Variants in SLC2A9 observed in about 807,000 individuals in gnomAD.
The protein encoded by SLC2A9 is solute carrier family 2 member 9.
SLC2A9 carries 39 observed loss-of-function variants against 50.6 expected under a neutral mutation model. The ratio of observed to expected loss-of-function variants is 0.77; its 90% confidence interval spans 0.60 to 1.01. The LOEUF (loss-of-function observed/expected upper bound fraction) is 1.01. SLC2A9 is among the 50% of genes least tolerant of loss of function. The pLI, the probability that SLC2A9 is intolerant of heterozygous loss-of-function variation, is 0.00. For synonymous variants in SLC2A9, 324 were observed against 276.9 expected (o/e 1.17, Z -1.69); for missense variants, 686 against 677.6 (o/e 1.01, Z -0.14).
intron 5 of SLC2A9, among the ~76,000 whole-genome samples, chr4:9,973,639 C>G (rs1377179158): frequency 2.1e-5 from 3 of 142,452 alleles, no homozygotes; most frequent in African/African-American, 5.3e-5. Context: ...CATGTTCTCA[C>G]TCATAGGTGG....
At chr4:9,782,426 G>A (rs776907638) in intron 3 of SLC2A9, 2 of 1,614,016 alleles carry the variant, frequency 1.2e-6, no homozygotes, top group Non-Finnish European at 1.7e-6. Context: ...GAACCTGTGC[G>A]TCATCAGCGT....
intron 5 of SLC2A9, among the ~76,000 whole-genome samples, chr4:9,943,632 T>A (rs965329784): frequency 1.3e-5 from 2 of 152,158 alleles, no homozygotes; most frequent in African/African-American, 4.8e-5. Context: ...CTGTATACTT[T>A]AAAAGGATGA....
In SLC2A9 at chr4:9,865,810, G is replaced by A. The variant is rs1253408978; in HGVS notation, c.1291+21757C>T. Reference sequence around the variant, plus strand: ...GGGCAGGAGCTGGTTTTGTTAGACGGTCTTTGAAGATTTGCCACAATTGGA... The same window carrying A: ...GGGCAGGAGCTGGTTTTGTTAGACGATCTTTGAAGATTTGCCACAATTGGA... On this transcript the variant is annotated intron_variant, in intron 10 of 11. Transcript: ENST00000264784. Among the ~76,000 whole-genome samples the A allele has an allele frequency of 7.4e-5, 11 of 148,950 alleles. No individual in the cohort carries two copies. The East Asian group carries it at 2.1e-3, about 29-fold the overall frequency.
intron 10 of SLC2A9, among the ~76,000 whole-genome samples, chr4:9,852,786 A>G (rs73092479): frequency 0.068 from 10,338 of 152,278 alleles, 811 homozygotes; most frequent in East Asian, 0.25. Context: ...GACACTATAA[A>G]ACAACTACAC....
chr4:9,837,615 T>C (rs1727306460), intron 10 of SLC2A9, among the ~76,000 whole-genome samples: 1 of 152,242 alleles, frequency 6.6e-6, no homozygotes, highest in African/African-American at 2.4e-5. Context: ...CTTCAGGGCT[T>C]GAGGCCATGA....
intron 5 of SLC2A9, among the ~76,000 whole-genome samples, chr4:9,961,991 A>C (rs1239745211): frequency 6.6e-6 from 1 of 152,250 alleles, no homozygotes; most frequent in Non-Finnish European, 1.5e-5. Context: ...ATCATTAGAG[A>C]AATGCAAATC....
chr4:9,828,184 C>T (rs1725454839), intron 11 of SLC2A9, among the ~76,000 whole-genome samples: 1 of 152,158 alleles, frequency 6.6e-6, no homozygotes, highest in Non-Finnish European at 1.5e-5. Context: ...CTCTCTCTCT[C>T]CCACCCACAT....
At position 9,955,359 on chromosome 4, in the gene SLC2A9, A is replaced by G. The variant is rs544079670; in HGVS notation, c.682-13314T>C. 3.8e-5 allele frequency among the ~76,000 whole-genome samples: 4 copies of G among 104,096 alleles called. 2 individuals carry two copies. Among genetic ancestry groups the G allele is most frequent in the African/African-American group, 2.0e-4 (4 of 19,546 alleles). The allele number at this position is 104,096 out of a possible 152,430, so 68.3% of individuals were successfully genotyped here. ...TACAAAAAAAAATTAGCCGGGCGTG[A>G]TGGCGGGCGCCTGTAGTCCCAGCTA... On this transcript the variant is annotated intron_variant, in intron 5 of 11. Coordinates refer to ENST00000264784, the MANE Select transcript of SLC2A9 (RefSeq NM_020041.3).
chr4:9,776,539 A>G (rs1284144711), downstream of SLC2A9, among the ~76,000 whole-genome samples: 1 of 152,014 alleles, frequency 6.6e-6, no homozygotes, highest in East Asian at 1.9e-4. Context: ...GTGCTTTGAA[A>G]TGCTGCCTGG....
intron 11 of SLC2A9, among the ~76,000 whole-genome samples, chr4:9,833,728 T>C (rs114919407): frequency 0.011 from 1,731 of 152,240 alleles, 27 homozygotes; most frequent in Non-Finnish European, 0.016. Context: ...CAGGCGGACT[T>C]AGAACTGAGT....
At chr4:9,789,157 C>T (rs1282901176) in intron 3 of SLC2A9, among the ~76,000 whole-genome samples, 3 of 152,132 alleles carry the variant, frequency 2.0e-5, no homozygotes, top group Non-Finnish European at 4.4e-5. Flanking sequence ...AAACCATCAC[C>T]TCTCGTTCAA....
intron 3 of SLC2A9, among the ~76,000 whole-genome samples, chr4:9,816,641 A>T (rs1723633517): frequency 6.6e-6 from 1 of 152,188 alleles, no homozygotes; most frequent in Admixed American, 6.5e-5. Context: ...CAAAACATTG[A>T]GTTCTACATC....
At chr4:9,842,832 T>G (rs1212238102) in intron 10 of SLC2A9, among the ~76,000 whole-genome samples, 1 of 152,192 alleles carries the variant, frequency 6.6e-6, no homozygotes, top group Non-Finnish European at 1.5e-5. Context: ...TGTTTGAGTA[T>G]CCTATTCTGG....
chr4:9,981,761 G>A (rs1417523309), intron 4 of SLC2A9, among the ~76,000 whole-genome samples: 1 of 152,174 alleles, frequency 6.6e-6, no homozygotes, highest in Non-Finnish European at 1.5e-5. Context: ...GAACACTCCA[G>A]GAAGATGCCC....
intron 3 of SLC2A9, among the ~76,000 whole-genome samples, chr4:9,780,394 T>C (rs1303482987): frequency 6.6e-6 from 1 of 151,954 alleles, no homozygotes; most frequent in Non-Finnish European, 1.5e-5. Context: ...TTTAGGCACC[T>C]GGACAGATGG....
At chr4:9,822,665 T>C (rs1254958876), downstream of SLC2A9, among the ~76,000 whole-genome samples, 5 of 152,256 alleles carry the variant, frequency 3.3e-5, no homozygotes, top group Non-Finnish European at 7.3e-5. Flanking sequence ...TTTAAAAAAA[T>C]ACTGAGATAT....
chr4:9,782,118 C>T (rs1396850248), intron 3 of SLC2A9: 6 of 1,545,238 alleles, frequency 3.9e-6, no homozygotes, highest in Non-Finnish European at 1.7e-6. Context: ...GTGGGGGGCT[C>T]GGCGGGGGCA....
intron 7 of SLC2A9, among the ~76,000 whole-genome samples, chr4:9,917,090 T>TG (rs1279778550): frequency 6.6e-6 from 1 of 152,150 alleles, no homozygotes; most frequent in African/African-American, 2.4e-5. Context: ...TCTTTCACAC[T>TG]GGCAACAGAC....
intron 1 of SLC2A9, among the ~76,000 whole-genome samples, chr4:10,037,244 C>T (rs1168703309): frequency 1.3e-5 from 2 of 152,160 alleles, no homozygotes; most frequent in Non-Finnish European, 2.9e-5. Context: ...GAGACCTCAG[C>T]CCCTGGCCAC....
Sources: allele counts gnomAD v4.1 joint callset (sites outside exome capture counted in the v4.1 genomes callset), GRCh38; gene constraint gnomAD v4.1.1; transcripts MANE v1.5; gene names NCBI Gene and HGNC (gene_info 2026-07-23, HGNC 2026-07-21).